The following GSTK1 variants were observed in gnomAD, a reference collection of about 807,000 sequenced individuals.
The protein encoded by GSTK1 is GST class-kappa.
In GSTK1, 25 loss-of-function variants were observed where a neutral mutation model predicts 30.9. That is an observed-to-expected ratio of 0.81 (90% CI 0.59 to 1.13). The LOEUF is 1.13. Among genes scored for constraint, GSTK1 ranks in the 50% most tolerant of loss-of-function variants. The pLI, the probability that GSTK1 is intolerant of heterozygous loss-of-function variation, is 0.00. For missense variants in GSTK1, 292 were observed against 292.4 expected (o/e 1.00, Z 0.01); for synonymous variants, 108 against 112.5 (o/e 0.96, Z 0.25).
chr7:143,266,967 T>C (rs1292140086), intron 5 of GSTK1, among the ~76,000 whole-genome samples: 1 of 152,130 alleles, frequency 6.6e-6, no homozygotes, highest in African/African-American at 2.4e-5. Context: ...GATCTAGTTC[T>C]AAGGGATGAC....
rs1479354583 is a variant in GSTK1, at chr7:143,268,064, T to A, written c.538-27T>A. On this transcript the variant is annotated intron_variant, in intron 6 of 7. Coordinates refer to ENST00000358406, the MANE Select transcript of GSTK1 (RefSeq NM_015917.3). The surrounding 1 kb of genome is among the most constrained non-coding windows in gnomAD (Gnocchi z 4.1). ...CCTAATACCTGCTCCTTTGCCTTCC[T>A]CCTTGCATTGTAACTGCTTTCTCCA... The A allele has an allele frequency of 6.3e-7, 1 of 1,577,720 alleles. No individual in the cohort carries two copies. Among genetic ancestry groups the A allele is most frequent in the East Asian group, 2.2e-5 (1 of 44,712 alleles).
At chr7:143,267,883 T>G (rs779474900) in intron 6 of GSTK1, 150 bp downstream of exon 6, 1 of 713,076 alleles carries the variant, frequency 1.4e-6, no homozygotes, top group Non-Finnish European at 2.4e-6. Context: ...TTCTTCCTTC[T>G]TTTCCTTGGG....
At position 143,264,533 on chromosome 7, in the gene GSTK1, A is replaced by G. The variant is rs760808816; in HGVS notation, c.155-15A>G. The G allele has an allele frequency of 6.2e-7, 1 of 1,613,892 alleles. No individual in the cohort carries two copies. The highest frequency in any genetic ancestry group is 8.5e-7 in the Non-Finnish European group (1 of 1,179,844). The stretch of plus-strand genomic sequence containing the variant: ...GGTCTTTTCTCACTTAGCGTGCCCA[A>G]CCTTCTCCTGGCAGGAAACAAGCCT... On this transcript the variant is annotated splice_polypyrimidine_tract_variant and intron_variant, in intron 2 of 7. Coordinates refer to ENST00000358406, the MANE Select transcript of GSTK1 (RefSeq NM_015917.3).
chr7:143,263,553 G>A lies in GSTK1; in HGVS notation c.40G>A (p.Val14Met). Residue 14 changes from valine to methionine, a missense_variant, in exon 1 of 8, where the codon GTG becomes ATG. By Grantham distance (21) the Val-to-Met change is conservative. Transcript: ENST00000358406. ...GCGCACCGTGGAGCTCTTCTATGAC[G>A]TGCTGTCCCCCTACTCCTGGCTGGG... ...LPRTVELFYD[V>M]LSPYSWLGFE... 1.9e-6 allele frequency: 3 copies of A among 1,610,646 alleles called. No homozygotes were observed. Among genetic ancestry groups the A allele is most frequent in the South Asian group, 1.1e-5 (1 of 91,088 alleles).
chr7:143,267,570 T>C lies in GSTK1; in HGVS notation c.421-47T>C, dbSNP rs769571088. 3.6e-6 allele frequency: 5 copies of C among 1,406,556 alleles called. No individual in the cohort carries two copies. In the South Asian group the frequency reaches 4.7e-5, roughly 13 times the overall value. 87.1% of individuals were successfully genotyped at this position (1,406,556 alleles called of 1,614,324 possible). A position where few individuals can be genotyped will look rare whatever the true frequency, so the allele number is the denominator to read the frequency against. Reference sequence around the variant, plus strand: ...CCAGAGTTTTCCTCTGAGATCCCCATCCAATATCATGCAGACACAGTTGTA... The same window carrying C: ...CCAGAGTTTTCCTCTGAGATCCCCACCCAATATCATGCAGACACAGTTGTA... On this transcript the variant is annotated intron_variant, in intron 5 of 7. Transcript: ENST00000358406.
intron 2 of GSTK1, 69 bp downstream of exon 2, chr7:143,264,236 T>G: frequency 7.4e-7 from 1 of 1,350,396 alleles, no homozygotes; most frequent in Non-Finnish European, 1.1e-6. Flanking sequence ...CGGGTCCTTA[T>G]ATTGGCACTG....
At chr7:143,263,699 T>G (rs1800781820) in intron 1 of GSTK1, 114 bp downstream of exon 1, 1 of 966,538 alleles carries the variant, frequency 1.0e-6, no homozygotes, top group Non-Finnish European at 1.6e-6. Flanking sequence ...GCCCAAGGGG[T>G]TAAGGCAAGC....
chr7:143,266,189 T>C (rs537929110), intron 5 of GSTK1, among the ~76,000 whole-genome samples: 4 of 151,932 alleles, frequency 2.6e-5, no homozygotes, highest in Admixed American at 2.6e-4. Context: ...CACTACCATG[T>C]CTGGCTAACT....
At chr7:143,265,141 C>T (rs1333380240) in intron 4 of GSTK1, 49 bp downstream of exon 4, 1 of 1,613,388 alleles carries the variant, frequency 6.2e-7, no homozygotes. Flanking sequence ...GGATGACTTT[C>T]TGACCTTCCC....
rs113263691 is a variant in GSTK1, at chr7:143,268,864, G to A, written c.*27G>A. ...ATTGCCCGGAGGAAGCAAACTCTTC[G>A]TATAAAAAAAGCAGGCCATCTGCTT... On this transcript the variant is annotated 3_prime_UTR_variant, in exon 8 of 8. Coordinates refer to ENST00000358406, the MANE Select transcript of GSTK1 (RefSeq NM_015917.3). This position sits in a 1 kb window ranked among gnomAD's most constrained non-coding sequence, Gnocchi z 4.1. 30 of 1,609,330 alleles carry A rather than the reference G, an allele frequency of 1.9e-5. No homozygotes were observed. The East Asian group carries it at 2.0e-4, about 11-fold the overall frequency.
In GSTK1 at chr7:143,263,455, C is replaced by T. The variant is rs1800768051; in HGVS notation, c.-59C>T. 2.0e-6 allele frequency: 3 copies of T among 1,505,910 alleles called. No individual in the cohort carries two copies. The highest frequency in any genetic ancestry group is 2.8e-6 in the Non-Finnish European group (3 of 1,090,300). 93.3% of individuals were successfully genotyped at this position (1,505,910 alleles called of 1,614,324 possible). A position where few individuals can be genotyped will look rare whatever the true frequency, so the allele number is the denominator to read the frequency against. ...CAGGCAGGCCCAGAAGCTGGGCAGC[C>T]TCTGCCGGGTTCCGGGAAAAGGAGC... On this transcript the variant is annotated 5_prime_UTR_variant, in exon 1 of 8. Transcript: ENST00000358406.
chr7:143,267,816 C>T (rs1800926291), intron 6 of GSTK1, 83 bp downstream of exon 6: 1 of 964,184 alleles, frequency 1.0e-6, no homozygotes, highest in Admixed American at 1.8e-5. Context: ...CCTTATGCTC[C>T]TGTACAAAAG....
Position 143,264,534 on chromosome 7 carries a change from C to T in GSTK1, c.155-14C>T, listed in dbSNP as rs1365563485. The T allele has an allele frequency of 6.8e-6, 11 of 1,613,926 alleles. No individual in the cohort carries two copies. The highest frequency in any genetic ancestry group is 9.3e-6 in the Non-Finnish European group (11 of 1,179,842). ...GTCTTTTCTCACTTAGCGTGCCCAACCTTCTCCTGGCAGGAAACAAGCCTC... is the reference window on the plus strand; with the variant it reads ...GTCTTTTCTCACTTAGCGTGCCCAATCTTCTCCTGGCAGGAAACAAGCCTC... On this transcript the variant is annotated splice_polypyrimidine_tract_variant and intron_variant, in intron 2 of 7. Transcript: ENST00000358406.
At chr7:143,264,240 G>A in intron 2 of GSTK1, 73 bp downstream of exon 2, 1 of 1,309,544 alleles carries the variant, frequency 7.6e-7, no homozygotes, top group Non-Finnish European at 1.1e-6. Flanking sequence ...TCCTTATATT[G>A]GCACTGGCAG....
rs958507949 is a variant in GSTK1, at chr7:143,265,061, C to G, written c.353C>G (p.Ser118Cys). The G allele has an allele frequency of 5.0e-6, 8 of 1,614,042 alleles. No individual in the cohort carries two copies. Among genetic ancestry groups the G allele is most frequent in the Non-Finnish European group, 4.2e-6 (5 of 1,180,050 alleles). The change falls in exon 4 of 8, where the codon TCC becomes TGC. Residue 118 changes from serine to cysteine, a missense_variant. Ser to Cys is a moderately radical substitution (Grantham distance 112). Coordinates refer to ENST00000358406, the MANE Select transcript of GSTK1 (RefSeq NM_015917.3). ...CATCCAGAGATGCTGGAGAAAGCGT[C>G]CCGGGAGCTGTGGATGCGCGTCTGG... is the stretch of plus-strand genomic sequence containing the variant. ...LEHPEMLEKA[S>C]RELWMRVWSR...
At position 143,264,677 on chromosome 7, in the gene GSTK1, G is replaced by T. The variant is rs766555447; in HGVS notation, c.283+1G>T. Reference sequence around the variant, plus strand: ...TTCTTGTCTGTGATGCTTGAAAAAGGTGAAGAGAGTGGGATGTAGACAGGG... The same window carrying T: ...TTCTTGTCTGTGATGCTTGAAAAAGTTGAAGAGAGTGGGATGTAGACAGGG... On this transcript the variant is annotated splice_donor_variant, in intron 3 of 7. Coordinates refer to ENST00000358406, the MANE Select transcript of GSTK1 (RefSeq NM_015917.3). LOFTEE classifies it high-confidence loss of function. 15 of 1,613,888 alleles carry T rather than the reference G, an allele frequency of 9.3e-6. No individual in the cohort carries two copies. Among genetic ancestry groups the T allele is most frequent in the Non-Finnish European group, 1.0e-5 (12 of 1,179,974 alleles).
At chr7:143,264,443 A>G in intron 2 of GSTK1, 105 bp from the exon 3 acceptor site, 3 of 1,182,844 alleles carry the variant, frequency 2.5e-6, no homozygotes, top group Non-Finnish European at 3.6e-6. Context: ...AAACAACAAG[A>G]GAAAAAAAAG....
At chr7:143,266,023 C>CTTT (rs11296238) in intron 5 of GSTK1, among the ~76,000 whole-genome samples, 754 of 69,314 alleles carry the variant, frequency 0.011, 10 homozygotes, top group Non-Finnish European at 0.014. Context: ...ATTTTCCATG[C>CTTT]TTTTTTTTTT....
Position 143,268,030 on chromosome 7 carries a change from C to CA in GSTK1, c.538-59dup. On this transcript the variant is annotated intron_variant, in intron 6 of 7. Transcript: ENST00000358406. This position sits in a 1 kb window ranked among gnomAD's most constrained non-coding sequence, Gnocchi z 4.1. ...CAGAAAAGTACTGACTCAAAGGTTT[C>CA]AACCCCTGCCTAATACCTGCTCCTT... 1 of 1,315,738 alleles carries CA rather than the reference C, an allele frequency of 7.6e-7. No homozygotes were observed. The highest frequency in any genetic ancestry group is 1.1e-6 in the Non-Finnish European group (1 of 927,574). The allele number at this position is 1,315,738 out of a possible 1,614,324, so 81.5% of individuals were successfully genotyped here.
Sources: gnomAD v4.1 joint callset for allele counts (sites outside exome capture counted in the v4.1 genomes callset) on GRCh38, gnomAD v4.1.1 for gene constraint, Gnocchi (gnomAD v3.1) non-coding constraint, MANE v1.5 for transcripts, NCBI Gene and HGNC (gene_info 2026-07-23, HGNC 2026-07-21) for gene names.